The following PLCB4 variants were observed in gnomAD, a reference collection of about 807,000 sequenced individuals.
PLCB4 encodes the protein 1-phosphatidylinositol 4,5-bisphosphate phosphodiesterase beta-4.
A neutral mutation model predicts 178.8 loss-of-function variants in PLCB4; 77 were observed. The ratio of observed to expected loss-of-function variants is 0.43; its 90% CI spans 0.36 to 0.52. PLCB4 has a LOEUF of 0.52. PLCB4 is among the 20% of genes least tolerant of loss of function. PLCB4 has a pLI of 0.00. For synonymous variants in PLCB4, 496 were observed against 490.8 expected (o/e 1.01, Z -0.14); for missense variants, 1,024 against 1,453.4 (o/e 0.70, Z 4.80).
chr20:9,355,733 T>C (rs1385971573), intron 7 of PLCB4, among the ~76,000 whole-genome samples: 1 of 151,946 alleles, frequency 6.6e-6, no homozygotes, highest in Non-Finnish European at 1.5e-5. Flanking sequence ...TCTTTGCTAT[T>C]GTGAATAGTG....
intron 3 of PLCB4, among the ~76,000 whole-genome samples, chr20:9,246,761 C>G (rs1025663602): frequency 1.3e-5 from 2 of 152,090 alleles, no homozygotes; most frequent in African/African-American, 4.8e-5. Flanking sequence ...CCCAGTTATT[C>G]AATATGACTG....
intron 2 of PLCB4, among the ~76,000 whole-genome samples, chr20:9,139,324 T>A (rs1390256190): frequency 6.6e-6 from 1 of 152,096 alleles, no homozygotes; most frequent in Non-Finnish European, 1.5e-5. Context: ...GGGCAGTTCT[T>A]CTGTTTCATG....
At chr20:9,240,400 GTCTCATAATTTTTGTAACTATATTATT>G in intron 3 of PLCB4, among the ~76,000 whole-genome samples, 1 of 152,212 alleles carries the variant, frequency 6.6e-6, no homozygotes, top group East Asian at 1.9e-4. Context: ...TGTTAAGTAG[GTCTCATAATTTTTGTAACTATATTATT>G]TCTCTCTGCT....
intron 28 of PLCB4, among the ~76,000 whole-genome samples, chr20:9,430,359 A>G (rs1432873604): frequency 6.6e-6 from 1 of 152,138 alleles, no homozygotes; most frequent in African/African-American, 2.4e-5. Context: ...ATTTGAACAA[A>G]CCTTACTTTA....
intron 9 of PLCB4, among the ~76,000 whole-genome samples, chr20:9,370,005 G>A (rs1157216355): frequency 6.6e-6 from 1 of 152,186 alleles, no homozygotes. Context: ...TTCCAATCAG[G>A]GAGCGATTGA....
intron 35 of PLCB4, among the ~76,000 whole-genome samples, chr20:9,461,260 A>G (rs1320526092): frequency 6.6e-6 from 1 of 152,234 alleles, no homozygotes; most frequent in Non-Finnish European, 1.5e-5. Flanking sequence ...TTACTAAAAT[A>G]CTTTAAAAAA....
chr20:9,227,399 A>C (rs933392708), intron 3 of PLCB4, among the ~76,000 whole-genome samples: 1 of 152,026 alleles, frequency 6.6e-6, no homozygotes, highest in Non-Finnish European at 1.5e-5. Flanking sequence ...TTAAGAATCC[A>C]AGTTTATGAA....
Position 9,217,428 on chromosome 20 carries a change from C to T in PLCB4, c.-40C>T, listed in dbSNP as rs889620834. The T allele has an allele frequency of 1.3e-5, 2 of 152,212 alleles. No homozygotes were observed. The highest frequency in any genetic ancestry group is 4.8e-5 in the African/African-American group (2 of 41,456). 9.4% of individuals were successfully genotyped at this position (152,212 alleles called of 1,614,324 possible). ...TGTGAGTTTGACGAAGTGGACATCACCTGCAGTCAGTCCAGAGCTGCCCAG... is the reference window on the plus strand; with the variant it reads ...TGTGAGTTTGACGAAGTGGACATCATCTGCAGTCAGTCCAGAGCTGCCCAG... On this transcript the variant is annotated 5_prime_UTR_variant, in exon 3 of 40. Coordinates refer to ENST00000378473, the MANE Select transcript of PLCB4 (RefSeq NM_001377142.1).
chr20:9,467,503 C>G, intron 35 of PLCB4, among the ~76,000 whole-genome samples: 1 of 152,198 alleles, frequency 6.6e-6, no homozygotes, highest in East Asian at 1.9e-4. Flanking sequence ...TTAGCTTTTT[C>G]TCAAACCCCT....
At chr20:9,365,345 T>G (rs2035684668) in intron 8 of PLCB4, 116 bp from the exon 9 acceptor site, 6 of 661,076 alleles carry the variant, frequency 9.1e-6, no homozygotes, top group Non-Finnish European at 1.6e-5. Context: ...CATAATTGTC[T>G]GATTTTCAGA....
Position 9,372,398 on chromosome 20 carries a change from A to G in PLCB4, c.681A>G (p.Lys227=). ...CPRTDIEDLF[K]KINGDKTDYL... ...GGACAGATATAGAAGATCTTTTCAA[A>G]AAAATGTAAGTTCCACTTATGAGGA... The change falls in exon 11 of 40, where the codon AAA becomes AAG. Residue 227 remains lysine, a synonymous_variant. Coordinates refer to ENST00000378473, the MANE Select transcript of PLCB4 (RefSeq NM_001377142.1). 6.5e-7 allele frequency: 1 copy of G among 1,531,298 alleles called. No homozygotes were observed. Among genetic ancestry groups the G allele is most frequent in the South Asian group, 1.2e-5 (1 of 86,778 alleles). 94.9% of individuals were successfully genotyped at this position (1,531,298 alleles called of 1,614,324 possible).
intron 2 of PLCB4, among the ~76,000 whole-genome samples, chr20:9,141,575 C>T (rs1330316742): frequency 6.6e-6 from 1 of 152,070 alleles, no homozygotes; most frequent in Admixed American, 6.6e-5. Context: ...TGTTTAAGTT[C>T]ACTTAATTTC....
In PLCB4 at chr20:9,093,269, C is replaced by G. The variant is rs555369768; in HGVS notation, c.-134-3018C>G. Among the ~76,000 whole-genome samples, 9 of 152,276 alleles carry G rather than the reference C, an allele frequency of 5.9e-5. No homozygotes were observed. The South Asian group carries it at 1.7e-3, about 28-fold the overall frequency. Reference sequence around the variant, plus strand: ...AGAACTGTGATTTTCAAATTGAAAACAACTGAATTTTGTTTAGCTGACCTC... The same window carrying G: ...AGAACTGTGATTTTCAAATTGAAAAGAACTGAATTTTGTTTAGCTGACCTC... On this transcript the variant is annotated intron_variant, in intron 1 of 39. Coordinates refer to ENST00000378473, the MANE Select transcript of PLCB4 (RefSeq NM_001377142.1).
chr20:9,459,761 A>C lies in PLCB4; in HGVS notation c.3199A>C (p.Ile1067Leu), dbSNP rs1364905492. 6.2e-7 allele frequency: 1 copy of C among 1,613,278 alleles called. No homozygotes were observed. Among genetic ancestry groups the C allele is most frequent in the East Asian group, 2.2e-5 (1 of 44,832 alleles). Residue 1067 changes from isoleucine to leucine, a missense_variant, in exon 35 of 40, where the codon ATC (isoleucine) becomes CTC (leucine). Around this residue, in one of 7 missense-constraint regions of PLCB4, gnomAD observed 264 missense variants for 283.2 expected, o/e 0.93. Coordinates refer to ENST00000378473, the MANE Select transcript of PLCB4 (RefSeq NM_001377142.1). Reference protein sequence around the residue: ...QQCELLKKLLINAHEQQTQQL... With the variant: ...QQCELLKKLLLNAHEQQTQQL... ...GTGTGAGCTGCTGAAAAAGCTACTCATCAATGCCCACGAGCAGCAAACCCA... is the reference window on the plus strand; with the variant it reads ...GTGTGAGCTGCTGAAAAAGCTACTCCTCAATGCCCACGAGCAGCAAACCCA...
At position 9,472,855 on chromosome 20, in the gene PLCB4, T is replaced by C. The variant is rs1327121057; in HGVS notation, c.3408+8T>C. The C allele has an allele frequency of 3.3e-6, 5 of 1,516,504 alleles. No individual in the cohort carries two copies. The highest frequency in any genetic ancestry group is 3.5e-5 in the Admixed American group (2 of 57,012). The allele number at this position is 1,516,504 out of a possible 1,614,324, so 93.9% of individuals were successfully genotyped here. On this transcript the variant is annotated splice_region_variant and intron_variant, in intron 37 of 39. Transcript: ENST00000378473. ...CTGGAAGAAAGAAAGAGAGTAAGTATTTTATTATATTTTTGGCATTCTTCC... is the reference window on the plus strand; with the variant it reads ...CTGGAAGAAAGAAAGAGAGTAAGTACTTTATTATATTTTTGGCATTCTTCC...
At chr20:9,165,357 A>C (rs1304312981) in intron 2 of PLCB4, among the ~76,000 whole-genome samples, 1 of 152,190 alleles carries the variant, frequency 6.6e-6, no homozygotes, top group Non-Finnish European at 1.5e-5. Context: ...ATTTTTAGAG[A>C]TAGTAGTACA....
chr20:9,419,262 A>C (rs143679141), intron 25 of PLCB4, among the ~76,000 whole-genome samples: 3 of 152,254 alleles, frequency 2.0e-5, no homozygotes, highest in African/African-American at 7.2e-5. Context: ...TGTAGACAAC[A>C]ATCCACAGTC....
In PLCB4 at chr20:9,450,331, C is replaced by T. The variant is rs375456880; in HGVS notation, c.2881-3016C>T. 1.0e-3 allele frequency among the ~76,000 whole-genome samples: 158 copies of T among 152,232 alleles called. 2 individuals carry two copies. Among genetic ancestry groups the T allele is most frequent in the African/African-American group, 3.7e-3 (154 of 41,532 alleles). On this transcript the variant is annotated intron_variant, in intron 32 of 39. Coordinates refer to ENST00000378473, the MANE Select transcript of PLCB4 (RefSeq NM_001377142.1). ...CATTTTACAGCACAATGAGCTGAGA[C>T]TTGACCAGAGTCACATGGAAATCAG...
chr20:9,381,131 G>T (rs2037106818), intron 13 of PLCB4, among the ~76,000 whole-genome samples: 1 of 152,128 alleles, frequency 6.6e-6, no homozygotes, highest in Non-Finnish European at 1.5e-5. Context: ...CCTATTTTAA[G>T]CAAGAATGCT....
Sources: gnomAD v4.1 joint callset for allele counts (sites outside exome capture counted in the v4.1 genomes callset) on GRCh38, gnomAD v4.1.1 for gene constraint, gnomAD v4.1.1 regional missense constraint, MANE v1.5 for transcripts, NCBI Gene and HGNC (gene_info 2026-07-23, HGNC 2026-07-21) for gene names.